Variants in FHOD3 observed in about 807,000 individuals in gnomAD.
The protein encoded by FHOD3 is formin homology 2 domain containing 3, also known as FH1/FH2 domain-containing protein 3.
Under a neutral mutation model 173.0 loss-of-function variants are expected in FHOD3, and 90 were observed. The observed-to-expected ratio is 0.52, with a 90% CI of 0.44 to 0.62. The LOEUF (loss-of-function observed/expected upper bound fraction) is 0.62, where lower values mean the gene tolerates loss of function less well. FHOD3 is among the 20% of genes least tolerant of loss of function. The pLI is 0.00. For missense variants in FHOD3, 1,945 were observed against 2,034.7 expected, an observed-to-expected ratio of 0.96 and a Z score of 0.85; for synonymous variants, 828 against 823.0, an observed-to-expected ratio of 1.01 and a Z score of -0.10.
chr18:36,685,256 A>T (rs1410115600), intron 15 of FHOD3, among the ~76,000 whole-genome samples: 1 of 152,242 alleles, frequency 6.6e-6, no homozygotes. Flanking sequence ...ATTTAAGAAC[A>T]CAGAGAGACC....
At chr18:36,545,307 C>G (rs1382384604) in intron 5 of FHOD3, among the ~76,000 whole-genome samples, 1 of 152,196 alleles carries the variant, frequency 6.6e-6, no homozygotes, top group African/African-American at 2.4e-5. Flanking sequence ...ATAATGACAG[C>G]TGGTGATAAC....
chr18:36,736,941 T>G (rs751116152), intron 20 of FHOD3, among the ~76,000 whole-genome samples: 1 of 152,222 alleles, frequency 6.6e-6, no homozygotes, highest in South Asian at 2.1e-4. Flanking sequence ...GAAATCAAAT[T>G]ATGATCGTGC....
intron 1 of FHOD3, among the ~76,000 whole-genome samples, chr18:36,325,683 CTCTCTTTCTCCT>C (rs933652827): frequency 2.8e-3 from 418 of 151,794 alleles, no homozygotes; most frequent in African/African-American, 9.7e-3. Context: ...TCCTTTTCCT[CTCTCTTTCTCCT>C]TCTCTTTCTT....
At chr18:36,695,509 T>A (rs934265841) in intron 17 of FHOD3, among the ~76,000 whole-genome samples, 1 of 152,202 alleles carries the variant, frequency 6.6e-6, no homozygotes, top group African/African-American at 2.4e-5. Context: ...CCAAGAATTC[T>A]AGCATCATTT....
At chr18:36,430,564 C>A (rs1316453448) in intron 3 of FHOD3, among the ~76,000 whole-genome samples, 1 of 152,196 alleles carries the variant, frequency 6.6e-6, no homozygotes, top group Non-Finnish European at 1.5e-5. Context: ...GCAAGTCTGA[C>A]AGTGATCTCT....
chr18:36,613,156 T>TG (rs1317420207), intron 9 of FHOD3, among the ~76,000 whole-genome samples: 1 of 152,198 alleles, frequency 6.6e-6, no homozygotes, highest in Non-Finnish European at 1.5e-5. Flanking sequence ...ATACTTACCT[T>TG]GTACTCACTT....
chr18:36,717,377 G>A (rs2040516581), intron 18 of FHOD3, among the ~76,000 whole-genome samples: 1 of 152,142 alleles, frequency 6.6e-6, no homozygotes, highest in Non-Finnish European at 1.5e-5. Flanking sequence ...TGTTTTTGAG[G>A]CACTTTGAGC....
At chr18:36,328,409 G>C (rs542651176) in intron 1 of FHOD3, among the ~76,000 whole-genome samples, 28 of 152,074 alleles carry the variant, frequency 1.8e-4, no homozygotes, top group Non-Finnish European at 3.7e-4. Context: ...AGTGTGCCTA[G>C]CATGTTTGAG....
Position 36,513,305 on chromosome 18 carries a change from A to G in FHOD3, c.511+762A>G, listed in dbSNP as rs59059595. 9.2e-3 allele frequency among the ~76,000 whole-genome samples: 1,398 copies of G among 152,282 alleles called. 16 individuals are homozygous for G. Among genetic ancestry groups the G allele is most frequent in the African/African-American group, 0.032 (1,311 of 41,562 alleles). On this transcript the variant is annotated intron_variant, in intron 5 of 28. Transcript: ENST00000590592. ...AAAAGAAGAAATTTTATATCGTCCA[A>G]TATTATCTACATTTTCCAGTTGAAG... is the stretch of plus-strand genomic sequence containing the variant.
In FHOD3 at chr18:36,709,146, CAG is replaced by C; in HGVS notation, c.2289_2290del (p.Ala765GlyfsTer5). The C allele has an allele frequency of 6.2e-7, 1 of 1,614,028 alleles. No individual in the cohort carries two copies. Among genetic ancestry groups the C allele is most frequent in the Non-Finnish European group, 8.5e-7 (1 of 1,179,916 alleles). On this transcript the variant is annotated frameshift_variant, in exon 18 of 29. Coordinates refer to ENST00000590592, the MANE Select transcript of FHOD3 (RefSeq NM_001281740.3). LOFTEE classifies it high-confidence loss of function. The stretch of plus-strand genomic sequence containing the variant: ...TCAGAGGCAGAACCGGAAGCAGAGG[CAG>C]GGGCGGGGCAGGTTGCTGATGAAGC...
intron 5 of FHOD3, among the ~76,000 whole-genome samples, chr18:36,519,670 C>G (rs1462271467): frequency 6.6e-6 from 1 of 152,182 alleles, no homozygotes; most frequent in East Asian, 1.9e-4. Flanking sequence ...AGATCCTGAC[C>G]TTTGGTGGGA....
rs777473337 is a variant in FHOD3, at chr18:36,718,495, G to C, written c.3197G>C (p.Gly1066Ala). The C allele has an allele frequency of 6.2e-7, 1 of 1,613,962 alleles. No individual in the cohort carries two copies. Among genetic ancestry groups the C allele is most frequent in the Middle Eastern group, 1.7e-4 (1 of 6,060 alleles). Residue 1066 changes from glycine to alanine, a missense_variant, in exon 19 of 29, where the codon GGC becomes GCC. Physicochemically the swap from Gly to Ala is moderately conservative, Grantham distance 60. This residue lies in a region of FHOD3 where 1,099 missense variants were observed against 1,051.2 expected (regional missense o/e 1.05). Coordinates refer to ENST00000590592, the MANE Select transcript of FHOD3 (RefSeq NM_001281740.3). ...CCTCCAGTGTTCAACGCTCCTCAGG[G>C]CTTAGGGTGGTCCCAGGTACCCAGG... ...PPPPVFNAPQ[G>A]LGWSQVPRGQ... is the part of the protein sequence containing the mutation.
intron 3 of FHOD3, among the ~76,000 whole-genome samples, chr18:36,426,709 G>A (rs35806239): frequency 5.3e-5 from 8 of 152,216 alleles, no homozygotes; most frequent in Admixed American, 2.6e-4. Flanking sequence ...TGGGCTAGTC[G>A]CTTCTCATAC....
chr18:36,737,162 A>G (rs1444807129), intron 20 of FHOD3, among the ~76,000 whole-genome samples: 1 of 152,206 alleles, frequency 6.6e-6, no homozygotes, highest in Non-Finnish European at 1.5e-5. Context: ...AACCTCATAA[A>G]TCTTCAACAT....
intron 3 of FHOD3, among the ~76,000 whole-genome samples, chr18:36,380,435 TCCTCCCTC>T (rs143577697): frequency 6.7e-6 from 1 of 150,058 alleles, no homozygotes; most frequent in Non-Finnish European, 1.5e-5. Context: ...TCATCTCCCT[TCCTCCCTC>T]CCTCCCTCCC....
intron 6 of FHOD3, among the ~76,000 whole-genome samples, chr18:36,588,348 T>C (rs140061111): frequency 6.6e-6 from 1 of 152,332 alleles, no homozygotes; most frequent in African/African-American, 2.4e-5. Context: ...TTTTTCTTTA[T>C]AGTAATACTT....
chr18:36,665,548 G>A (rs1259782389), intron 14 of FHOD3, among the ~76,000 whole-genome samples: 1 of 151,558 alleles, frequency 6.6e-6, no homozygotes, highest in Non-Finnish European at 1.5e-5. Flanking sequence ...ACTAATGTAA[G>A]GCAAATTGCT....
At chr18:36,390,489 T>C (rs2048250122) in intron 3 of FHOD3, among the ~76,000 whole-genome samples, 1 of 151,972 alleles carries the variant, frequency 6.6e-6, no homozygotes, top group African/African-American at 2.4e-5. Flanking sequence ...TGGTGCTGGG[T>C]CCTGCTCTGG....
intron 3 of FHOD3, among the ~76,000 whole-genome samples, chr18:36,422,208 A>G (rs2050022932): frequency 6.6e-6 from 1 of 152,210 alleles, no homozygotes; most frequent in Non-Finnish European, 1.5e-5. Context: ...GGATGAAGAC[A>G]AATATATGTA....
Sources: gnomAD v4.1 joint callset for allele counts (sites outside exome capture counted in the v4.1 genomes callset) on GRCh38, gnomAD v4.1.1 for gene constraint, gnomAD v4.1.1 regional missense constraint, MANE v1.5 for transcripts, NCBI Gene and HGNC (gene_info 2026-07-23, HGNC 2026-07-21) for gene names.